Variants in ZPBP2 observed in about 807,000 individuals in gnomAD.
The protein encoded by ZPBP2 is zona pellucida binding protein 2.
Under a neutral mutation model 37.5 loss-of-function variants are expected in ZPBP2, and 34 were observed. The ratio of observed to expected loss-of-function variants is 0.91; its 90% confidence interval spans 0.69 to 1.21. ZPBP2 has a LOEUF of 1.21. Among genes scored for constraint, ZPBP2 ranks in the 50% most tolerant of loss-of-function variants. The pLI, the probability that ZPBP2 is intolerant of heterozygous loss-of-function variation, is 0.00. For missense variants in ZPBP2, 397 were observed against 413.5 expected, an observed-to-expected ratio of 0.96 and a Z score of 0.35; for synonymous variants, 143 against 138.4, an observed-to-expected ratio of 1.03 and a Z score of -0.23.
intron 1 of ZPBP2, 71 bp from the exon 2 acceptor site, chr17:39,868,478 C>CGCCCT (rs1244464054): frequency 8.7e-6 from 14 of 1,612,608 alleles, no homozygotes; most frequent in Admixed American, 1.7e-5. Flanking sequence ...TCCTTCGCCT[C>CGCCCT]GCCCTGCCCT....
At chr17:39,869,330 T>C (rs1225825203) in intron 2 of ZPBP2, among the ~76,000 whole-genome samples, 1 of 152,052 alleles carries the variant, frequency 6.6e-6, no homozygotes, top group Non-Finnish European at 1.5e-5. Flanking sequence ...TGGAGAAAAT[T>C]TACAGTTAAA....
chr17:39,874,541 T>C (rs1184685126), intron 6 of ZPBP2, among the ~76,000 whole-genome samples: 1 of 152,130 alleles, frequency 6.6e-6, no homozygotes, highest in Non-Finnish European at 1.5e-5. Flanking sequence ...AAGTGATTCT[T>C]GTGCCTCAGC....
chr17:39,875,198 T>C, intron 6 of ZPBP2, 56 bp from the exon 7 acceptor site: 7 of 1,487,692 alleles, frequency 4.7e-6, no homozygotes, highest in Admixed American at 1.9e-5. Context: ...TACTGGAGGA[T>C]AAATTTGGTT....
Position 39,868,556 on chromosome 17 carries a change from C to A in ZPBP2, c.60C>A (p.Cys20Ter), listed in dbSNP as rs978791075. The A allele has an allele frequency of 6.2e-7, 1 of 1,614,140 alleles. No individual in the cohort carries two copies. Among genetic ancestry groups the A allele is most frequent in the South Asian group, 1.1e-5 (1 of 91,092 alleles). The change falls in exon 2 of 8, where the codon TGC becomes TGA. Residue 20 changes from cysteine to a stop codon, truncating the protein, a stop_gained. Transcript: ENST00000348931. LOFTEE classifies it high-confidence loss of function. ...GTTTTATTTCCTCCGCAGTCCAATG[C>A]CCGCGTTTTACCTTATTCAATAAGA... The part of the protein sequence containing the change: ...AVLWCLTGVQ[C>*]PRFTLFNKKG...
In ZPBP2 at chr17:39,868,348, C is replaced by A. The variant is rs1470903312; in HGVS notation, c.-7C>A. 4 of 1,608,638 alleles carry A rather than the reference C, an allele frequency of 2.5e-6. No individual in the cohort carries two copies. The highest frequency in any genetic ancestry group is 1.7e-4 in the Middle Eastern group (1 of 5,912). On this transcript the variant is annotated 5_prime_UTR_variant, in exon 1 of 8. In the 5' UTR this introduces an upstream ATG that the reference lacks. Coordinates refer to ENST00000348931, the MANE Select transcript of ZPBP2 (RefSeq NM_199321.3). ...TCGACGCCTCCTGCGACGCCAGCCC[C>A]TGAGCGATGATGCGAACGTGCGTCC... is the stretch of plus-strand genomic sequence containing the variant.
At position 39,870,759 on chromosome 17, in the gene ZPBP2, A is replaced by G; in HGVS notation, c.184A>G (p.Lys62Glu). The G allele has an allele frequency of 6.4e-7, 1 of 1,572,714 alleles. No individual in the cohort carries two copies. The highest frequency in any genetic ancestry group is 1.2e-5 in the South Asian group (1 of 83,846). The change falls in exon 3 of 8, where the codon AAA becomes GAA. Residue 62 changes from lysine (K) to glutamate (E), a missense_variant. Physicochemically the swap from Lys to Glu is moderately conservative, Grantham distance 56. Transcript: ENST00000348931. ...TATCTGTATGGATTTTAAGCTTTCT[A>G]AAAAAGAAATAGTGGACCCCACCTA... ...VLICMDFKLS[K>E]KEIVDPTYLW...
In ZPBP2 at chr17:39,876,939, A is replaced by ATT; in HGVS notation, c.*130_*131insTT. 8.5e-7 allele frequency: 1 copy of ATT among 1,181,634 alleles called. No individual in the cohort carries two copies. The highest frequency in any genetic ancestry group is 1.2e-6 in the Non-Finnish European group (1 of 839,312). 73.2% of individuals were successfully genotyped at this position (1,181,634 alleles called of 1,614,324 possible). On this transcript the variant is annotated 3_prime_UTR_variant, in exon 8 of 8. Coordinates refer to ENST00000348931, the MANE Select transcript of ZPBP2 (RefSeq NM_199321.3). ...ACCACTGGAAAACATGCATTTTGGAAACTTTAAAATAAATGGTTAACATGG... is the reference window on the plus strand; with the variant it reads ...ACCACTGGAAAACATGCATTTTGGAATTACTTTAAAATAAATGGTTAACATGG...
At chr17:39,872,639 G>T in intron 5 of ZPBP2, 151 bp downstream of exon 5, 1 of 578,970 alleles carries the variant, frequency 1.7e-6, no homozygotes, top group Non-Finnish European at 2.9e-6. Context: ...GCCTGTTTAT[G>T]GTTTTAAAAC....
intron 6 of ZPBP2, 139 bp from the exon 7 acceptor site, chr17:39,875,115 G>T (rs1486595143): frequency 2.8e-6 from 2 of 708,512 alleles, no homozygotes; most frequent in Non-Finnish European, 4.6e-6. Context: ...ACTAATTTTG[G>T]TGTTAACACA....
chr17:39,873,077 G>C lies in ZPBP2; in HGVS notation c.659G>C (p.Cys220Ser). Residue 220 changes from cysteine (C) to serine (S), a missense_variant, in exon 6 of 8, where the codon TGC (cysteine) becomes TCC (serine). Transcript: ENST00000348931. ...NPFAPGWKGA[C>S]NGSVDCEDTT... is the part of the protein sequence containing the mutation. The stretch of plus-strand genomic sequence containing the variant: ...TTTGCGCCGGGGTGGAAAGGTGCTT[G>C]CAATGGATCTGTTGACTGTGAAGAT... The C allele has an allele frequency of 6.2e-7, 1 of 1,612,222 alleles. No individual in the cohort carries two copies. Among genetic ancestry groups the C allele is most frequent in the Non-Finnish European group, 8.5e-7 (1 of 1,179,232 alleles).
rs2063373540 is a variant in ZPBP2 at position 39,873,182 on chromosome 17, G to C, written c.708+56G>C. ...TGTCTTTTTCTTTTTTTAGAGACAGGGTGTCACCCAGGCTGGAGTGCAGTG... is the reference window on the plus strand; with the variant it reads ...TGTCTTTTTCTTTTTTTAGAGACAGCGTGTCACCCAGGCTGGAGTGCAGTG... On this transcript the variant is annotated intron_variant, in intron 6 of 7. Transcript: ENST00000348931. 8 of 1,548,122 alleles carry C rather than the reference G, an allele frequency of 5.2e-6. No individual in the cohort carries two copies. The Admixed American group carries it at 1.5e-4, about 29-fold the overall frequency.
chr17:39,868,331 T>G lies in ZPBP2; in HGVS notation c.-24T>G. ...AGGAGGGAGTCTGTCCCTCGACGCC[T>G]CCTGCGACGCCAGCCCCTGAGCGAT... On this transcript the variant is annotated 5_prime_UTR_variant, in exon 1 of 8. Coordinates refer to ENST00000348931, the MANE Select transcript of ZPBP2 (RefSeq NM_199321.3). 1 of 1,606,052 alleles carries G rather than the reference T, an allele frequency of 6.2e-7. No homozygotes were observed. Among genetic ancestry groups the G allele is most frequent in the Non-Finnish European group, 8.5e-7 (1 of 1,179,618 alleles).
At chr17:39,869,365 A>G (rs1433249117) in intron 2 of ZPBP2, among the ~76,000 whole-genome samples, 1 of 149,870 alleles carries the variant, frequency 6.7e-6, no homozygotes, top group Non-Finnish European at 1.5e-5. Flanking sequence ...TAGGGTGATC[A>G]TGATCATCTA....
chr17:39,872,429 G>A lies in ZPBP2; in HGVS notation c.566G>A (p.Cys189Tyr), dbSNP rs2063369596. 6.2e-7 allele frequency: 1 copy of A among 1,613,064 alleles called. No homozygotes were observed. Among genetic ancestry groups the A allele is most frequent in the African/African-American group, 1.3e-5 (1 of 74,978 alleles). ...SCHVIEPSYK[C>Y]HSVEIPEHGL... Reference sequence around the variant, plus strand: ...CATGTCATAGAGCCATCATATAAATGCCATTCTGTTGAAATTCCAGAACAT... The same window carrying A: ...CATGTCATAGAGCCATCATATAAATACCATTCTGTTGAAATTCCAGAACAT... Residue 189 changes from cysteine (C) to tyrosine (Y), a missense_variant, in exon 5 of 8, where the codon TGC becomes TAC. Transcript: ENST00000348931.
chr17:39,876,735 T>A lies in ZPBP2; in HGVS notation c.943T>A (p.Cys315Ser). 1 of 1,613,936 alleles carries A rather than the reference T, an allele frequency of 6.2e-7. No homozygotes were observed. The stretch of plus-strand genomic sequence containing the variant: ...TGATGTTAATGTAACTTGTCAGACC[T>A]GCGTTTCCGTCCTTACCTATGGAGC... ...SPDVNVTCQTCVSVLTYGAKS... is the reference protein window; with the variant it reads ...SPDVNVTCQTSVSVLTYGAKS... Residue 315 changes from cysteine (C) to serine (S), a missense_variant, in exon 8 of 8, where the codon TGC becomes AGC. By Grantham distance (112) the Cys-to-Ser change is moderately radical. Coordinates refer to ENST00000348931, the MANE Select transcript of ZPBP2 (RefSeq NM_199321.3).
intron 2 of ZPBP2, among the ~76,000 whole-genome samples, chr17:39,870,033 A>T (rs11650661): frequency 0.43 from 64,439 of 151,104 alleles, 14,394 homozygotes; most frequent in Non-Finnish European, 0.49. Context: ...TAGAATAGTT[A>T]TGCTGAAGTC....
chr17:39,869,616 G>C (rs2063352664), intron 2 of ZPBP2, among the ~76,000 whole-genome samples: 1 of 150,830 alleles, frequency 6.6e-6, no homozygotes, highest in African/African-American at 2.4e-5. Context: ...TGTTGGCCAG[G>C]CTGGTCTCGA....
intron 2 of ZPBP2, among the ~76,000 whole-genome samples, chr17:39,869,096 T>G (rs1369287862): frequency 6.6e-6 from 1 of 152,180 alleles, no homozygotes; most frequent in Non-Finnish European, 1.5e-5. Context: ...GTTGATAGAA[T>G]TTGTCATGTT....
At chr17:39,876,600 A>C in intron 7 of ZPBP2, 82 bp from the exon 8 acceptor site, 1 of 1,490,384 alleles carries the variant, frequency 6.7e-7, no homozygotes, top group Non-Finnish European at 9.2e-7. Context: ...GCAGATTTAT[A>C]TTGTTGGTAT....
Sources: allele counts gnomAD v4.1 joint callset (sites outside exome capture counted in the v4.1 genomes callset), GRCh38; gene constraint gnomAD v4.1.1; transcripts MANE v1.5; gene names NCBI Gene and HGNC (gene_info 2026-07-23, HGNC 2026-07-21).